The following STPG4 variants were observed in gnomAD, a reference collection of about 807,000 sequenced individuals.
STPG4 encodes the protein sperm-tail PG-rich repeat containing 4, also known as protein STPG4.
In STPG4, 41 loss-of-function variants were observed where a neutral mutation model predicts 31.5. That is an observed-to-expected ratio of 1.30 (90% CI 1.01 to 1.69). The LOEUF (loss-of-function observed/expected upper bound fraction) is 1.69. Ranked by LOEUF, STPG4 falls within the 40% of genes most tolerant of loss-of-function variation. The pLI is 0.00. For missense variants in STPG4, 375 were observed against 293.4 expected, an observed-to-expected ratio of 1.28 and a Z score of -2.03; for synonymous variants, 141 against 103.0, an observed-to-expected ratio of 1.37 and a Z score of -2.24.
At chr2:47,118,623 C>CTTTTG (rs1200944713) in intron 5 of STPG4, among the ~76,000 whole-genome samples, 3 of 152,186 alleles carry the variant, frequency 2.0e-5, no homozygotes, top group Non-Finnish European at 2.9e-5. Context: ...AGTGGTAAGA[C>CTTTTG]AGCTCAAAGC....
intron 5 of STPG4, among the ~76,000 whole-genome samples, chr2:47,117,252 C>G (rs745647981): frequency 2.6e-5 from 4 of 152,144 alleles, no homozygotes; most frequent in Non-Finnish European, 4.4e-5. Flanking sequence ...TCTTGTTGCC[C>G]AGGCCAGAGT....
intron 5 of STPG4, among the ~76,000 whole-genome samples, chr2:47,126,632 T>G (rs1440872449): frequency 6.6e-6 from 1 of 152,218 alleles, no homozygotes; most frequent in Non-Finnish European, 1.5e-5. Context: ...TGGCCTCAGA[T>G]GATTTCTTGT....
At chr2:47,096,953 G>A (rs1450330155) in intron 5 of STPG4, among the ~76,000 whole-genome samples, 1 of 152,136 alleles carries the variant, frequency 6.6e-6, no homozygotes, top group Non-Finnish European at 1.5e-5. Flanking sequence ...TGAGTTCACA[G>A]TGAGGGGAGG....
intron 3 of STPG4, among the ~76,000 whole-genome samples, 185 bp downstream of exon 3, chr2:47,151,073 T>C (rs1686925625): frequency 6.6e-6 from 1 of 152,150 alleles, no homozygotes; most frequent in Non-Finnish European, 1.5e-5. Context: ...GAAGATGTTA[T>C]AGGGAAAAAT....
intron 5 of STPG4, among the ~76,000 whole-genome samples, chr2:47,114,959 G>A (rs1686116875): frequency 6.6e-6 from 1 of 151,904 alleles, no homozygotes; most frequent in South Asian, 2.1e-4. Flanking sequence ...GTAGAGACAG[G>A]GTCTCACCAT....
intron 5 of STPG4, among the ~76,000 whole-genome samples, chr2:47,109,514 G>A (rs1299177191): frequency 6.7e-6 from 1 of 148,444 alleles, no homozygotes; most frequent in Non-Finnish European, 1.5e-5. Context: ...CCGAGATCCT[G>A]CCACTGGACT....
chr2:47,089,769 T>A (rs1685531914), intron 6 of STPG4, among the ~76,000 whole-genome samples: 1 of 152,156 alleles, frequency 6.6e-6, no homozygotes, highest in Admixed American at 6.5e-5. Flanking sequence ...TCTTTGTATC[T>A]CTCCATGGAC....
chr2:47,099,142 A>C (rs1266659989), intron 5 of STPG4, among the ~76,000 whole-genome samples: 1 of 152,238 alleles, frequency 6.6e-6, no homozygotes, highest in African/African-American at 2.4e-5. Context: ...GCCCCACCTC[A>C]AGGTGCAGCT....
rs57475505 is a variant in STPG4, at chr2:47,127,252, C to CTTTTTTTTTTT, written c.519+2678_519+2688dup. On this transcript the variant is annotated intron_variant, in intron 5 of 6. Transcript: ENST00000445927. ...CAAATAGCTTGTCTTCAAGCTAATT[C>CTTTTTTTTTTT]TTTTTTTTTTTTTTTTTTTTTTTTT... is the stretch of plus-strand genomic sequence containing the variant. 2.5e-3 allele frequency among the ~76,000 whole-genome samples: 146 copies of CTTTTTTTTTTT among 57,460 alleles called. 23 individuals are homozygous for CTTTTTTTTTTT. The highest frequency in any genetic ancestry group is 6.2e-3 in the African/African-American group (60 of 9,670). 37.7% of individuals were successfully genotyped at this position (57,460 alleles called of 152,430 possible). A position where few individuals can be genotyped will look rare whatever the true frequency, so the allele number is the denominator to read the frequency against.
At chr2:47,134,227 A>T (rs1013266967) in intron 3 of STPG4, among the ~76,000 whole-genome samples, 2 of 152,226 alleles carry the variant, frequency 1.3e-5, no homozygotes, top group African/African-American at 4.8e-5. Context: ...CTCAAAGTCC[A>T]TATGTTACAT....
At chr2:47,110,926 G>C (rs894806992) in intron 5 of STPG4, among the ~76,000 whole-genome samples, 1 of 152,102 alleles carries the variant, frequency 6.6e-6, no homozygotes, top group African/African-American at 2.4e-5. Context: ...TGTTGCTACT[G>C]TTATCTTGCT....
At chr2:47,137,785 C>T (rs1364776757) in intron 3 of STPG4, among the ~76,000 whole-genome samples, 1 of 152,050 alleles carries the variant, frequency 6.6e-6, no homozygotes, top group Admixed American at 6.5e-5. Flanking sequence ...TATTCCTTTA[C>T]TGTCCTTTTT....
chr2:47,151,642 A>G (rs1686939366), intron 2 of STPG4, 127 bp from the exon 3 acceptor site: 1 of 745,280 alleles, frequency 1.3e-6, no homozygotes, highest in South Asian at 1.8e-5. Context: ...ATTATATCAA[A>G]TACAGTAAAC....
At chr2:47,127,077 T>C (rs980466935) in intron 5 of STPG4, among the ~76,000 whole-genome samples, 4 of 152,018 alleles carry the variant, frequency 2.6e-5, no homozygotes, top group Admixed American at 2.6e-4. Flanking sequence ...ACGGTCCCTG[T>C]TATTATCCCT....
At chr2:47,152,857 G>T in intron 2 of STPG4, 100 bp downstream of exon 2, 1 of 839,624 alleles carries the variant, frequency 1.2e-6, no homozygotes, top group Non-Finnish European at 1.8e-6. Context: ...AACAATCACT[G>T]TTTTCTTACA....
intron 3 of STPG4, among the ~76,000 whole-genome samples, chr2:47,141,466 T>C (rs1318418433): frequency 6.6e-6 from 1 of 152,102 alleles, no homozygotes; most frequent in Non-Finnish European, 1.5e-5. Flanking sequence ...TATCCAGCTT[T>C]CAAACTTCAC....
intron 5 of STPG4, among the ~76,000 whole-genome samples, chr2:47,096,529 T>C (rs1433413405): frequency 6.6e-6 from 1 of 152,238 alleles, no homozygotes; most frequent in African/African-American, 2.4e-5. Flanking sequence ...AAAGAACAGA[T>C]GATTAGTGGT....
At chr2:47,099,684 C>A (rs983612876) in intron 5 of STPG4, among the ~76,000 whole-genome samples, 1 of 152,240 alleles carries the variant, frequency 6.6e-6, no homozygotes, top group Admixed American at 6.5e-5. Context: ...CCTTTCTGGG[C>A]TGGCCAAGGC....
intron 5 of STPG4, among the ~76,000 whole-genome samples, chr2:47,093,379 G>A (rs1287595027): frequency 6.6e-6 from 1 of 152,162 alleles, no homozygotes; most frequent in Non-Finnish European, 1.5e-5. Context: ...AGAAATCTAA[G>A]CCCTAATAAA....
Sources: allele counts gnomAD v4.1 joint callset (sites outside exome capture counted in the v4.1 genomes callset), GRCh38; gene constraint gnomAD v4.1.1; transcripts MANE v1.5; gene names NCBI Gene and HGNC (gene_info 2026-07-23, HGNC 2026-07-21).